The following PFKFB3 variants were observed in gnomAD, a reference collection of about 807,000 sequenced individuals.
The protein encoded by PFKFB3 is 6-phosphofructo-2-kinase/fructose-2,6-biphosphatase 3, also known as 6-phosphofructo-2-kinase/fructose-2,6-bisphosphatase 3.
Under a neutral mutation model 68.0 loss-of-function variants are expected in PFKFB3, and 33 were observed. The observed-to-expected ratio is 0.49, with a 90% CI of 0.37 to 0.65. The LOEUF (loss-of-function observed/expected upper bound fraction) is 0.65. PFKFB3 is among the 30% of genes least tolerant of loss of function. The probability of loss-of-function intolerance (pLI) is 0.00; values close to 1 mark genes in which losing one functional copy is unlikely to be tolerated. For synonymous variants in PFKFB3, 315 were observed against 288.2 expected (o/e 1.09, Z -0.94); for missense variants, 586 against 712.2 (o/e 0.82, Z 2.02).
chr10:6,155,035 G>C lies in PFKFB3; in HGVS notation c.16+10022G>C, dbSNP rs537926243. Among the ~76,000 whole-genome samples, 23 of 152,246 alleles carry C rather than the reference G, an allele frequency of 1.5e-4. No individual in the cohort carries two copies. The East Asian group carries it at 4.2e-3, about 28-fold the overall frequency. On this transcript the variant is annotated intron_variant, in intron 1 of 14. Transcript: ENST00000379789. ...GCAGCCTTCCAGAAAAGTCCACTGT[G>C]CCCCAGGTCAGTCATCAGACAGAGC...
At position 6,231,539 on chromosome 10, in the gene PFKFB3, T is replaced by C. The variant is rs991184297; in HGVS notation, c.1516-1356T>C. 30 of 985,380 alleles carry C rather than the reference T, an allele frequency of 3.0e-5. No individual in the cohort carries two copies. The African/African-American group carries it at 4.7e-4, about 15-fold the overall frequency. 61.0% of individuals were successfully genotyped at this position (985,380 alleles called of 1,614,324 possible). A position where few individuals can be genotyped will look rare whatever the true frequency, so the allele number is the denominator to read the frequency against. Reference sequence around the variant, plus strand: ...GTGGACATCACCCGGTCTTGCAGGCTCTCCACTGTTATTGTTGCATCGCCA... The same window carrying C: ...GTGGACATCACCCGGTCTTGCAGGCCCTCCACTGTTATTGTTGCATCGCCA... On this transcript the variant is annotated intron_variant, in intron 14 of 14. Coordinates refer to ENST00000379775, the MANE Select transcript of PFKFB3 (RefSeq NM_004566.4).
chr10:6,221,788 G>A, intron 10 of PFKFB3, 43 bp downstream of exon 10: 1 of 1,347,390 alleles, frequency 7.4e-7, no homozygotes, highest in Non-Finnish European at 1.0e-6. Flanking sequence ...CAGCACACAT[G>A]ACCACTGCTG....
chr10:6,322,027 T>C, the PFKFB3 span, among the ~76,000 whole-genome samples: 3 of 152,200 alleles, frequency 2.0e-5, no homozygotes, highest in Non-Finnish European at 4.4e-5. Flanking sequence ...CTTCTAAATG[T>C]CTCTCTTTAA....
chr10:6,212,301 G>A (rs528636325), intron 1 of PFKFB3, among the ~76,000 whole-genome samples: 104 of 152,332 alleles, frequency 6.8e-4, no homozygotes, highest in African/African-American at 2.5e-3. Flanking sequence ...CTGGGCCCTC[G>A]GCTCCCAGAA....
rs1841715943 is a variant in PFKFB3 at position 6,154,843 on chromosome 10, C to T, written c.16+9830C>T. Among the ~76,000 whole-genome samples, 1 of 152,314 alleles carries T rather than the reference C, an allele frequency of 6.6e-6. No homozygotes were observed. Among genetic ancestry groups the T allele is most frequent in the South Asian group, 2.1e-4 (1 of 4,830 alleles). ...CTGGGAGCCAGGTGGCCGAGGCGGT[C>T]GAGGCCTGGGTTGTAGTGAGCTGCG... On this transcript the variant is annotated intron_variant, in intron 1 of 14. Transcript: ENST00000379789. This position sits in a 1 kb window ranked among gnomAD's most constrained non-coding sequence, Gnocchi z 4.6.
chr10:6,212,244 C>T (rs972557226), intron 1 of PFKFB3, among the ~76,000 whole-genome samples: 5 of 152,196 alleles, frequency 3.3e-5, no homozygotes, highest in Non-Finnish European at 5.9e-5. Flanking sequence ...CGGCAGGATG[C>T]GGGAGTTGCC....
At chr10:6,300,615 G>A in the PFKFB3 span, among the ~76,000 whole-genome samples, 6 of 152,212 alleles carry the variant, frequency 3.9e-5, no homozygotes, top group East Asian at 1.9e-4. Context: ...TTCTTTGATC[G>A]TTAGCAGGAA....
At chr10:6,161,471 T>A (rs1256629694) in intron 1 of PFKFB3, among the ~76,000 whole-genome samples, 2 of 152,114 alleles carry the variant, frequency 1.3e-5, no homozygotes, top group Admixed American at 6.6e-5. Context: ...TTCCCAATAA[T>A]CTTTATAAAA....
intron 6 of PFKFB3, among the ~76,000 whole-genome samples, chr10:6,219,058 C>G (rs562604501): frequency 5.3e-5 from 8 of 152,342 alleles, no homozygotes; most frequent in African/African-American, 1.9e-4. Context: ...CGGCACAGCC[C>G]TAGTTGGAGA....
intron 1 of PFKFB3, among the ~76,000 whole-genome samples, chr10:6,155,622 C>T (rs1482112825): frequency 6.6e-6 from 1 of 152,064 alleles, no homozygotes; most frequent in Non-Finnish European, 1.5e-5. Flanking sequence ...AAGCATGGAC[C>T]CCCACTCCAG....
At chr10:6,217,297 C>A in intron 6 of PFKFB3, 106 bp downstream of exon 6, 1 of 1,009,330 alleles carries the variant, frequency 9.9e-7, no homozygotes, top group Non-Finnish European at 1.6e-6. Flanking sequence ...GCAGCTGAGC[C>A]CTTAGGATGA....
At chr10:6,201,128 C>T (rs1167247023), upstream of PFKFB3, among the ~76,000 whole-genome samples, 4 of 151,838 alleles carry the variant, frequency 2.6e-5, no homozygotes, top group African/African-American at 7.2e-5. The surrounding 1 kb of genome is among the most constrained non-coding windows in gnomAD (Gnocchi z 4.1). Flanking sequence ...GCTCTCCCCG[C>T]GCGCAGCCTA....
At position 6,228,202 on chromosome 10, in the gene PFKFB3, C is replaced by T. The variant is rs1316908838; in HGVS notation, c.1515+1837C>T. ...CTCTGCTTCTCCTCCGCAGCCTTTGCTAGGGCAAGCCTGTCTGTAAGTATC... is the reference window on the plus strand; with the variant it reads ...CTCTGCTTCTCCTCCGCAGCCTTTGTTAGGGCAAGCCTGTCTGTAAGTATC... On this transcript the variant is annotated intron_variant, in intron 14 of 14. Transcript: ENST00000379775. The surrounding 1 kb of genome is among the most constrained non-coding windows in gnomAD (Gnocchi z 4.5). 5 of 1,612,664 alleles carry T rather than the reference C, an allele frequency of 3.1e-6. No individual in the cohort carries two copies. Among genetic ancestry groups the T allele is most frequent in the Middle Eastern group, 1.6e-4 (1 of 6,084 alleles).
the PFKFB3 span, among the ~76,000 whole-genome samples, chr10:6,310,685 G>C: frequency 1.3e-5 from 2 of 152,172 alleles, no homozygotes; most frequent in East Asian, 3.9e-4. Context: ...ACAAAATATC[G>C]TGAACAAATA....
At chr10:6,219,009 C>T (rs1844772674) in intron 6 of PFKFB3, among the ~76,000 whole-genome samples, 2 of 152,210 alleles carry the variant, frequency 1.3e-5, no homozygotes, top group Admixed American at 6.5e-5. Flanking sequence ...GTTGGTAGAC[C>T]TGTGTTGTTG....
At chr10:6,250,535 C>T (rs981700090) in intron 14 of PFKFB3, among the ~76,000 whole-genome samples, 4 of 150,412 alleles carry the variant, frequency 2.7e-5, no homozygotes, top group Non-Finnish European at 4.4e-5. Flanking sequence ...CACGCCACTG[C>T]ACTCCAGCCT....
intron 1 of PFKFB3, among the ~76,000 whole-genome samples, chr10:6,208,207 G>A (rs1259510071): frequency 6.6e-6 from 1 of 152,014 alleles, no homozygotes; most frequent in Non-Finnish European, 1.5e-5. Flanking sequence ...GAGTAGCTGG[G>A]ACTAGGGGCA....
chr10:6,226,230 T>C lies in PFKFB3; in HGVS notation c.1380T>C (p.Asn460=), dbSNP rs771424732. 1.9e-6 allele frequency: 3 copies of C among 1,613,086 alleles called. No individual in the cohort carries two copies. Among genetic ancestry groups the C allele is most frequent in the Non-Finnish European group, 1.7e-6 (2 of 1,179,632 alleles). ...GACCTAACCCGCTCATGAGACGCAA[T>C]AGTGTCACCCCGCTAGCCAGCCCCG... The part of the protein sequence containing the change: ...KKGPNPLMRR[N]SVTPLASPEP... Residue 460 remains asparagine (N), a synonymous_variant, in exon 14 of 15, where the codon AAT becomes AAC. Coordinates refer to ENST00000379775, the MANE Select transcript of PFKFB3 (RefSeq NM_004566.4).
At chr10:6,194,160 G>GGTTC (rs1843105782) in intron 1 of PFKFB3, among the ~76,000 whole-genome samples, 1 of 152,108 alleles carries the variant, frequency 6.6e-6, no homozygotes, top group Non-Finnish European at 1.5e-5. Context: ...ACCAGGTTGG[G>GGTTC]GTTCCTAACT....
Sources: gnomAD v4.1 joint callset for allele counts (sites outside exome capture counted in the v4.1 genomes callset) on GRCh38, gnomAD v4.1.1 for gene constraint, Gnocchi (gnomAD v3.1) non-coding constraint, MANE v1.5 for transcripts, NCBI Gene and HGNC (gene_info 2026-07-23, HGNC 2026-07-21) for gene names.